FANCA: variants seen among roughly 807,000 people sequenced by gnomAD.
The protein encoded by FANCA is FA complementation group A.
Under a neutral mutation model 194.3 loss-of-function variants are expected in FANCA, and 236 were observed. The observed-to-expected ratio is 1.21, with a 90% CI of 1.09 to 1.35. The LOEUF is 1.35. Ranked by LOEUF, FANCA falls within the 40% of genes most tolerant of loss-of-function variation. FANCA has a pLI of 0.00. For missense variants in FANCA, 2,628 were observed against 1,813.9 expected, an observed-to-expected ratio of 1.45 and a Z score of -8.15; for synonymous variants, 1,014 against 715.8, an observed-to-expected ratio of 1.42 and a Z score of -6.65.
chr16:89,741,399 A>G (rs976605530), intron 37 of FANCA, among the ~76,000 whole-genome samples: 1 of 152,068 alleles, frequency 6.6e-6, no homozygotes, highest in African/African-American at 2.4e-5. Flanking sequence ...AATCACCAAA[A>G]CCCTGGGCGC....
At chr16:89,796,195 C>T (rs887804366) in intron 10 of FANCA, among the ~76,000 whole-genome samples, 177 bp from the exon 11 acceptor site, 2 of 151,976 alleles carry the variant, frequency 1.3e-5, no homozygotes, top group African/African-American at 2.4e-5. Context: ...GGCAGTTCAA[C>T]GAGAAAGGGG....
chr16:89,774,109 T>C (rs1219331389), intron 21 of FANCA, among the ~76,000 whole-genome samples: 1 of 152,108 alleles, frequency 6.6e-6, no homozygotes, highest in Non-Finnish European at 1.5e-5. Flanking sequence ...TGCATATGTT[T>C]TTAAAGTAAA....
At position 89,765,012 on chromosome 16, in the gene FANCA, C is replaced by G. The variant is rs1487360770; in HGVS notation, c.2656G>C (p.Glu886Gln). The G allele has an allele frequency of 6.2e-7, 1 of 1,614,258 alleles. No individual in the cohort carries two copies. The highest frequency in any genetic ancestry group is 8.5e-7 in the Non-Finnish European group (1 of 1,180,048). ...FSEARQPLSE[E>Q]DVASLSWRPL... ...CTCCAGGAAAGGCTGGCTACGTCCT[C>G]CTCAGAAAGAGGCTGTCGGGCCTCT... Residue 886 changes from glutamate to glutamine, a missense_variant, in exon 28 of 43, where the codon GAG (glutamate) becomes CAG (glutamine). Coordinates refer to ENST00000389301, the MANE Select transcript of FANCA (RefSeq NM_000135.4).
chr16:89,813,593 C>T (rs867090483), intron 3 of FANCA, among the ~76,000 whole-genome samples: 1 of 152,110 alleles, frequency 6.6e-6, no homozygotes, highest in Admixed American at 6.5e-5. Context: ...CCACCACACC[C>T]GGCTAATTTT....
chr16:89,810,050 C>T (rs1370901619), intron 5 of FANCA, among the ~76,000 whole-genome samples: 2 of 151,022 alleles, frequency 1.3e-5, no homozygotes, highest in East Asian at 3.9e-4. Context: ...ATGCCAGGCG[C>T]GGTGGCTCAC....
chr16:89,740,244 T>C (rs2062095037), intron 38 of FANCA, 145 bp from the exon 39 acceptor site: 1 of 755,868 alleles, frequency 1.3e-6, no homozygotes, highest in Non-Finnish European at 2.4e-6. Flanking sequence ...CTATAGAAGG[T>C]AATACTGGGC....
chr16:89,802,744 C>G (rs576030217), intron 8 of FANCA, among the ~76,000 whole-genome samples: 1 of 152,206 alleles, frequency 6.6e-6, no homozygotes, highest in South Asian at 2.1e-4. Flanking sequence ...TCATTCACAG[C>G]AACAGGAATG....
chr16:89,767,353 AGCATT>A (rs2039165140), intron 26 of FANCA, 116 bp from the exon 27 acceptor site: 1 of 775,874 alleles, frequency 1.3e-6, no homozygotes, highest in Non-Finnish European at 2.2e-6. Flanking sequence ...GGATGGCCTG[AGCATT>A]GGTCCTTCGT....
intron 30 of FANCA, among the ~76,000 whole-genome samples, chr16:89,754,243 A>C (rs886144862): frequency 1.9e-5 from 1 of 53,206 alleles, no homozygotes; most frequent in Admixed American, 2.4e-4. Flanking sequence ...AACAAAACAA[A>C]ACAACAACAA....
chr16:89,793,876 G>C (rs576103128), intron 11 of FANCA, among the ~76,000 whole-genome samples: 73 of 152,106 alleles, frequency 4.8e-4, no homozygotes, highest in African/African-American at 1.7e-3. Flanking sequence ...TCAGCCTCCC[G>C]AGTAGCTGGG....
rs561558430 is a variant in FANCA, at chr16:89,745,081, G to C, written c.3514-10C>G. On this transcript the variant is annotated splice_polypyrimidine_tract_variant and intron_variant, in intron 35 of 42. Transcript: ENST00000389301. ...GGCTCGGCCACCACACCTATGGAGA[G>C]AGCACCAGCACACAGATGAGGGTGG... 1.0e-5 allele frequency: 16 copies of C among 1,592,390 alleles called. No homozygotes were observed. In the East Asian group the frequency reaches 1.1e-4, roughly 11 times the overall value.
In FANCA at chr16:89,743,261, C is replaced by T. The variant is rs1267448221; in HGVS notation, c.3627-323G>A. On this transcript the variant is annotated intron_variant, in intron 36 of 42. Coordinates refer to ENST00000389301, the MANE Select transcript of FANCA (RefSeq NM_000135.4). ...TTGGAAGAAGAGGCCTCATTTTCCT[C>T]AGTTGCCCATGCCTGGCCCTGTGGA... Among the ~76,000 whole-genome samples, 6 of 152,342 alleles carry T rather than the reference C, an allele frequency of 3.9e-5. No individual in the cohort carries two copies. In the East Asian group the frequency reaches 1.2e-3, roughly 29 times the overall value.
chr16:89,764,767 C>A (rs148206674), intron 28 of FANCA, 123 bp downstream of exon 28: 1 of 1,187,032 alleles, frequency 8.4e-7, no homozygotes, highest in Non-Finnish European at 1.3e-6. Flanking sequence ...ACCCTAGACT[C>A]GGGACGTGGC....
chr16:89,763,256 A>T (rs535858612), intron 28 of FANCA, among the ~76,000 whole-genome samples: 67 of 151,988 alleles, frequency 4.4e-4, no homozygotes, highest in South Asian at 4.0e-3. Context: ...CCAAAAAAAA[A>T]AATAATAATT....
At position 89,808,339 on chromosome 16, in the gene FANCA, T is replaced by C; in HGVS notation, c.551A>G (p.His184Arg). 5 of 1,614,140 alleles carry C rather than the reference T, an allele frequency of 3.1e-6. No homozygotes were observed. Among genetic ancestry groups the C allele is most frequent in the Non-Finnish European group, 4.2e-6 (5 of 1,180,020 alleles). ...GCTCACAATGCCTTGTACGTGAAGA[T>C]GCCACACCGCTTCAAGCAACAAAGA... ...QSSLLLEAVW[H>R]LHVQGIVSLQ... The change falls in exon 6 of 43, where the codon CAT (histidine) becomes CGT (arginine). Residue 184 changes from histidine (H) to arginine (R), a missense_variant. Transcript: ENST00000389301.
chr16:89,762,145 A>G, intron 28 of FANCA, 123 bp from the exon 29 acceptor site: 1 of 794,570 alleles, frequency 1.3e-6, no homozygotes, highest in Non-Finnish European at 2.2e-6. Flanking sequence ...GTTATAATGA[A>G]ATTGCAGCTG....
rs1330429367 is a variant in FANCA, at chr16:89,816,620, T to G, written c.-5A>C. On this transcript the variant is annotated 5_prime_UTR_variant, in exon 1 of 43. Coordinates refer to ENST00000389301, the MANE Select transcript of FANCA (RefSeq NM_000135.4). Reference sequence around the variant, plus strand: ...CGGGACCCACGAGTCGGACATGGCCTTGGCGCCTACAGCCCCGGCGGCGGC... The same window carrying G: ...CGGGACCCACGAGTCGGACATGGCCGTGGCGCCTACAGCCCCGGCGGCGGC... 2.0e-6 allele frequency: 3 copies of G among 1,522,356 alleles called. No individual in the cohort carries two copies. The highest frequency in any genetic ancestry group is 2.6e-6 in the Non-Finnish European group (3 of 1,142,750). The allele number at this position is 1,522,356 out of a possible 1,614,324, so 94.3% of individuals were successfully genotyped here. A position where few individuals can be genotyped will look rare whatever the true frequency, so the allele number is the denominator to read the frequency against.
In FANCA at chr16:89,737,935, G is replaced by A. The variant is rs767814198; in HGVS notation, c.*666C>T. The A allele has an allele frequency of 2.5e-6, 4 of 1,613,922 alleles. No individual in the cohort carries two copies. Among genetic ancestry groups the A allele is most frequent in the South Asian group, 1.1e-5 (1 of 91,062 alleles). On this transcript the variant is annotated 3_prime_UTR_variant, in exon 43 of 43. Coordinates refer to ENST00000389301, the MANE Select transcript of FANCA (RefSeq NM_000135.4). Reference sequence around the variant, plus strand: ...GTGTGAGTCAGGACCCCCTCCCAGGGCTGTGGCCCTCGCACCTTCTTATCT... The same window carrying A: ...GTGTGAGTCAGGACCCCCTCCCAGGACTGTGGCCCTCGCACCTTCTTATCT...
At chr16:89,769,621 A>G in intron 26 of FANCA, 1 of 621,938 alleles carries the variant, frequency 1.6e-6, no homozygotes. Context: ...GCAGTTTAGT[A>G]TAATATGATC....
Sources: gnomAD v4.1 joint callset for allele counts (sites outside exome capture counted in the v4.1 genomes callset) on GRCh38, gnomAD v4.1.1 for gene constraint, MANE v1.5 for transcripts, NCBI Gene and HGNC (gene_info 2026-07-23, HGNC 2026-07-21) for gene names.